Variants in MAST3 observed in about 807,000 individuals in gnomAD.
The protein encoded by MAST3 is microtubule associated serine/threonine kinase 3.
Under a neutral mutation model 127.0 loss-of-function variants are expected in MAST3, and 43 were observed. That is an observed-to-expected ratio of 0.34 (90% confidence interval 0.27 to 0.44). The LOEUF (loss-of-function observed/expected upper bound fraction) is 0.44. Ranked by LOEUF, MAST3 falls within the 20% of genes least tolerant of loss-of-function variation. The pLI is 1.00. For synonymous variants in MAST3, 785 were observed against 809.2 expected, an observed-to-expected ratio of 0.97 and a Z score of 0.51; for missense variants, 1,390 against 1,919.1, an observed-to-expected ratio of 0.72 and a Z score of 5.15.
chr19:18,147,423 C>G lies in MAST3; in HGVS notation c.3327-20C>G. The G allele has an allele frequency of 1.2e-6, 2 of 1,612,210 alleles. No homozygotes were observed. The highest frequency in any genetic ancestry group is 1.7e-6 in the Non-Finnish European group (2 of 1,179,018). ...TGGCCAGGAGCAGGGGTTCTGAAGC[C>G]TCCGGTTTTCTTACCCCAGGCGGAA... On this transcript the variant is annotated intron_variant, in intron 26 of 27. Coordinates refer to ENST00000687212, the MANE Select transcript of MAST3 (RefSeq NM_001393504.1).
chr19:18,150,009 CAG>C lies in MAST3; in HGVS notation c.*286_*287del, dbSNP rs2043424215. The C allele has an allele frequency of 6.5e-6, 2 of 308,216 alleles. No homozygotes were observed. Among genetic ancestry groups the C allele is most frequent in the Non-Finnish European group, 1.1e-5 (2 of 174,206 alleles). The allele number at this position is 308,216 out of a possible 1,614,324, so 19.1% of individuals were successfully genotyped here. A position where few individuals can be genotyped will look rare whatever the true frequency, so the allele number is the denominator to read the frequency against. On this transcript the variant is annotated 3_prime_UTR_variant, in exon 28 of 28. Transcript: ENST00000687212. ...TCTTTTTTTTTTTTTTTTTTTGAGA[CAG>C]AGTCTCACTCTGTTGCCCGGGCTGG...
At chr19:18,140,650 G>A (rs1409844618) in intron 20 of MAST3, among the ~76,000 whole-genome samples, 1 of 152,122 alleles carries the variant, frequency 6.6e-6, no homozygotes, top group African/African-American at 2.4e-5. Flanking sequence ...CATCCCTACT[G>A]CAGTGTGGAC....
intron 3 of MAST3, among the ~76,000 whole-genome samples, chr19:18,113,118 G>C (rs190910054): frequency 5.3e-5 from 8 of 152,208 alleles, no homozygotes; most frequent in Admixed American, 2.0e-4. Context: ...GAGGGAGGAA[G>C]TATCTGGGAC....
chr19:18,138,307 G>A (rs1475313414), intron 19 of MAST3, among the ~76,000 whole-genome samples: 1 of 128,352 alleles, frequency 7.8e-6, no homozygotes, highest in African/African-American at 3.0e-5. Context: ...TCCCGCCCCT[G>A]GTCCCACAAC....
intron 11 of MAST3, among the ~76,000 whole-genome samples, chr19:18,125,465 G>A (rs1364473000): frequency 1.3e-5 from 2 of 152,176 alleles, no homozygotes; most frequent in Non-Finnish European, 2.9e-5. Flanking sequence ...CAGCCGGCCG[G>A]GTGCGGTGGC....
intron 1 of MAST3, among the ~76,000 whole-genome samples, chr19:18,105,140 AT>A (rs2037967653): frequency 6.6e-6 from 1 of 152,084 alleles, no homozygotes; most frequent in Non-Finnish European, 1.5e-5. Context: ...GCTAAGGTGG[AT>A]GGATCACTTG....
Position 18,139,133 on chromosome 19 carries a change from G to T in MAST3, c.2205+9G>T, listed in dbSNP as rs748683205. On this transcript the variant is annotated intron_variant, in intron 20 of 27. Coordinates refer to ENST00000687212, the MANE Select transcript of MAST3 (RefSeq NM_001393504.1). The stretch of plus-strand genomic sequence containing the variant: ...CCCACCGGTTCAGCAAGGTGGGCCC[G>T]GGTCCCGAGGGGAGCCACTGCTCAG... 6.4e-7 allele frequency: 1 copy of T among 1,563,210 alleles called. No homozygotes were observed. Among genetic ancestry groups the T allele is most frequent in the East Asian group, 2.3e-5 (1 of 43,184 alleles).
chr19:18,105,764 G>A (rs1016156993), intron 1 of MAST3, among the ~76,000 whole-genome samples: 4 of 152,146 alleles, frequency 2.6e-5, no homozygotes, highest in Admixed American at 2.6e-4. Flanking sequence ...ACAAGCTCAC[G>A]GCTTTCTATC....
In MAST3 at chr19:18,110,051, C is replaced by G; in HGVS notation, c.72-601C>G. ...CTCGGCGTCCCTGCGGCAGACAGGG[C>G]GGCACCCGCGGCTCCCCTTTCCCGC... On this transcript the variant is annotated intron_variant, in intron 2 of 27. Transcript: ENST00000687212. The surrounding 1 kb of genome is among the most constrained non-coding windows in gnomAD (Gnocchi z 4.3). 1 of 985,328 alleles carries G rather than the reference C, an allele frequency of 1.0e-6. No homozygotes were observed. Among genetic ancestry groups the G allele is most frequent in the Non-Finnish European group, 1.2e-6 (1 of 829,884 alleles). The allele number at this position is 985,328 out of a possible 1,614,324, so 61.0% of individuals were successfully genotyped here. A position where few individuals can be genotyped will look rare whatever the true frequency, so the allele number is the denominator to read the frequency against.
chr19:18,124,999 C>T (rs1417772510), intron 11 of MAST3, among the ~76,000 whole-genome samples: 1 of 151,420 alleles, frequency 6.6e-6, no homozygotes. Context: ...CCCAGCTACT[C>T]AGGAGGCTGA....
chr19:18,107,842 G>A (rs2038194643), intron 2 of MAST3, among the ~76,000 whole-genome samples: 1 of 152,118 alleles, frequency 6.6e-6, no homozygotes, highest in Non-Finnish European at 1.5e-5. Flanking sequence ...GGTGCAAAGG[G>A]GTTTCATCAC....
chr19:18,148,661 G>A (rs550074041), intron 27 of MAST3, among the ~76,000 whole-genome samples: 38 of 152,052 alleles, frequency 2.5e-4, no homozygotes, highest in Non-Finnish European at 3.7e-4. Flanking sequence ...CCAGCACTTT[G>A]GGAGGCCAAA....
At chr19:18,137,871 T>C (rs1056870479) in intron 19 of MAST3, among the ~76,000 whole-genome samples, 3 of 152,306 alleles carry the variant, frequency 2.0e-5, no homozygotes, top group African/African-American at 7.2e-5. Context: ...GAGCTTCTGT[T>C]TCCTCTTCTG....
intron 2 of MAST3, among the ~76,000 whole-genome samples, chr19:18,108,632 TG>T (rs1363583284): frequency 3.3e-5 from 5 of 152,192 alleles, no homozygotes. Context: ...CCTCCCAAAG[TG>T]CTGGGATTAC....
intron 15 of MAST3, among the ~76,000 whole-genome samples, chr19:18,133,122 A>G (rs145590466): frequency 9.0e-4 from 137 of 151,654 alleles, no homozygotes; most frequent in African/African-American, 3.3e-3. Flanking sequence ...AGCGCCTCGC[A>G]TGTTTTCAGG....
rs547342276 is a variant in MAST3, at chr19:18,135,053, G to A, written c.1870+71G>A. ...AGCTCTGGGCAGCGGTCCTCCACCC[G>A]CATGTCAGGGAGAGAAGCAGGAAGA... On this transcript the variant is annotated intron_variant, in intron 17 of 27. Coordinates refer to ENST00000687212, the MANE Select transcript of MAST3 (RefSeq NM_001393504.1). 1.9e-5 allele frequency: 28 copies of A among 1,499,130 alleles called. No homozygotes were observed. The Middle Eastern group carries it at 5.4e-4, about 29-fold the overall frequency. 92.9% of individuals were successfully genotyped at this position (1,499,130 alleles called of 1,614,324 possible).
chr19:18,098,507 T>C (rs751577406), intron 1 of MAST3, among the ~76,000 whole-genome samples: 2 of 151,954 alleles, frequency 1.3e-5, no homozygotes, highest in Non-Finnish European at 2.9e-5. Flanking sequence ...ACTGAGTTTA[T>C]GTTTAGGAGG....
intron 21 of MAST3, among the ~76,000 whole-genome samples, chr19:18,143,171 C>T (rs1369963366): frequency 3.3e-5 from 5 of 151,914 alleles, no homozygotes; most frequent in African/African-American, 1.2e-4. Context: ...CTTATGTTGC[C>T]CGCCCTGGTC....
intron 3 of MAST3, among the ~76,000 whole-genome samples, chr19:18,120,297 G>A (rs939034656): frequency 3.9e-5 from 6 of 152,178 alleles, no homozygotes; most frequent in Non-Finnish European, 7.4e-5. Context: ...GCTTCAAGAG[G>A]GGTATATAGA....
Sources: gnomAD v4.1 joint callset for allele counts (sites outside exome capture counted in the v4.1 genomes callset) on GRCh38, gnomAD v4.1.1 for gene constraint, Gnocchi (gnomAD v3.1) non-coding constraint, MANE v1.5 for transcripts, NCBI Gene and HGNC (gene_info 2026-07-23, HGNC 2026-07-21) for gene names.